The following FXR1 variants were observed in gnomAD, a reference collection of about 807,000 sequenced individuals.
FXR1 encodes the protein RNA-binding protein FXR1.
In FXR1, 15 loss-of-function variants were observed where a neutral mutation model predicts 84.0. That is an observed-to-expected ratio of 0.18 (90% CI 0.12 to 0.27). FXR1 has a LOEUF of 0.27. Among genes scored for constraint, FXR1 ranks in the 10% least tolerant of loss-of-function variants. The pLI, the probability that FXR1 is intolerant of heterozygous loss-of-function variation, is 1.00. For missense variants in FXR1, 480 were observed against 774.4 expected (o/e 0.62, Z 4.51); for synonymous variants, 245 against 250.7 (o/e 0.98, Z 0.21).
chr3:180,965,806 G>A (rs995073879), intron 13 of FXR1, among the ~76,000 whole-genome samples: 1 of 152,004 alleles, frequency 6.6e-6, no homozygotes, highest in Non-Finnish European at 1.5e-5. Flanking sequence ...AAATTTTGGG[G>A]GGTACGGCCT....
At chr3:180,948,119 G>A in intron 4 of FXR1, 183 bp downstream of exon 4, 4 of 601,876 alleles carry the variant, frequency 6.6e-6, no homozygotes, top group South Asian at 6.5e-5. Flanking sequence ...CACCAAAGCT[G>A]CTCTCCAGAG....
Position 180,931,026 on chromosome 3 carries a change from C to CAAAAAAAAAAAAAAAAAA in FXR1, c.52-2304_52-2287dup, listed in dbSNP as rs57731098. Among the ~76,000 whole-genome samples, 59 of 55,612 alleles carry CAAAAAAAAAAAAAAAAAA rather than the reference C, an allele frequency of 1.1e-3. 2 individuals carry two copies. The highest frequency in any genetic ancestry group is 2.8e-3 in the African/African-American group (46 of 16,722). 36.5% of individuals were successfully genotyped at this position (55,612 alleles called of 152,430 possible). The stretch of plus-strand genomic sequence containing the variant: ...CCTGGGCAACAGAGCGAGACTGCCT[C>CAAAAAAAAAAAAAAAAAA]AAAAAAAAAAAAAAAAAAAAAGACG... On this transcript the variant is annotated intron_variant, in intron 1 of 16. Transcript: ENST00000357559.
chr3:180,914,726 A>G (rs1717674499), intron 1 of FXR1: 1 of 829,048 alleles, frequency 1.2e-6, no homozygotes, highest in Non-Finnish European at 1.5e-6. Context: ...ACATATCTAC[A>G]ATCTACTGCT....
At chr3:180,918,780 G>GT (rs1052264141) in intron 1 of FXR1, among the ~76,000 whole-genome samples, 56 of 152,294 alleles carry the variant, frequency 3.7e-4, no homozygotes, top group African/African-American at 1.3e-3. Context: ...TCTAGCAACT[G>GT]TAACTAATTT....
At chr3:180,941,564 C>T (rs942653814) in intron 3 of FXR1, among the ~76,000 whole-genome samples, 1 of 152,046 alleles carries the variant, frequency 6.6e-6, no homozygotes, top group African/African-American at 2.4e-5. Flanking sequence ...TTCTTTTGGC[C>T]AGTCTGAAGT....
intron 13 of FXR1, among the ~76,000 whole-genome samples, chr3:180,964,673 T>TTATATATATATATATATA (rs10600370): frequency 2.3e-3 from 311 of 136,298 alleles, no homozygotes; most frequent in African/African-American, 6.8e-3. Context: ...TGTAGTTGAT[T>TTATATATATATATATATA]TATATATATA....
chr3:180,960,284 G>A (rs1182267713), intron 10 of FXR1, among the ~76,000 whole-genome samples: 1 of 152,140 alleles, frequency 6.6e-6, no homozygotes, highest in African/African-American at 2.4e-5. Flanking sequence ...TGCTCTGGAG[G>A]TGATATTTCT....
rs189930234 is a variant in FXR1 at position 180,915,666 on chromosome 3, C to A, written c.51+2930C>A. On this transcript the variant is annotated intron_variant, in intron 1 of 16. Transcript: ENST00000357559. ...ATTTCCCTTTTTTCCCCTCCTCTTA[C>A]CCCGTATAGGCAGAAGACACACATT... is the stretch of plus-strand genomic sequence containing the variant. The A allele has an allele frequency of 8.2e-4, 574 of 704,028 alleles. 3 individuals carry two copies. Among genetic ancestry groups the A allele is most frequent in the Middle Eastern group, 2.5e-3 (11 of 4,366 alleles). The allele number at this position is 704,028 out of a possible 1,614,324, so 43.6% of individuals were successfully genotyped here. A position where few individuals can be genotyped will look rare whatever the true frequency, so the allele number is the denominator to read the frequency against.
intron 3 of FXR1, among the ~76,000 whole-genome samples, chr3:180,936,036 C>T (rs994848603): frequency 2.0e-5 from 3 of 151,850 alleles, no homozygotes; most frequent in Non-Finnish European, 1.5e-5. Context: ...GAACTACAGG[C>T]GTGTGTCACC....
chr3:180,928,252 A>G (rs925603070), intron 1 of FXR1, among the ~76,000 whole-genome samples: 2 of 151,708 alleles, frequency 1.3e-5, no homozygotes, highest in African/African-American at 2.4e-5. Context: ...CTTTAGGCCT[A>G]CTTTTGGAAT....
chr3:180,925,391 T>A (rs1264728583), intron 1 of FXR1, among the ~76,000 whole-genome samples: 2 of 151,970 alleles, frequency 1.3e-5, no homozygotes, highest in South Asian at 2.1e-4. Flanking sequence ...TCCTCTGTTG[T>A]CTCCAGGATT....
chr3:180,920,113 T>C (rs549615325), intron 1 of FXR1, among the ~76,000 whole-genome samples: 1 of 152,320 alleles, frequency 6.6e-6, no homozygotes, highest in East Asian at 1.9e-4. Context: ...GGCAAAGGGA[T>C]GCGCTCCCGT....
intron 1 of FXR1, chr3:180,933,041 A>G (rs1330858285): frequency 9.4e-6 from 3 of 317,524 alleles, no homozygotes; most frequent in East Asian, 1.5e-4. Flanking sequence ...CTTAGTCACA[A>G]TACTAAATAA....
chr3:180,976,214 T>A lies in FXR1; in HGVS notation c.1788T>A (p.Arg596=). The change falls in exon 17 of 17, where the codon CGT becomes CGA. Residue 596 remains arginine, a synonymous_variant. Coordinates refer to ENST00000357559, the MANE Select transcript of FXR1 (RefSeq NM_005087.4). The stretch of plus-strand genomic sequence containing the variant: ...GCGATGACATTTCTAAGCTACAGCG[T>A]ACTCCAGGAGAAGAAAAGATTAATA... ...ASGDDISKLQ[R]TPGEEKINTL... is the part of the protein sequence containing the mutation. 1.2e-6 allele frequency: 2 copies of A among 1,612,082 alleles called. No homozygotes were observed. Among genetic ancestry groups the A allele is most frequent in the Non-Finnish European group, 1.7e-6 (2 of 1,178,200 alleles).
chr3:180,918,986 A>C (rs1233753532), intron 1 of FXR1, among the ~76,000 whole-genome samples: 1 of 152,266 alleles, frequency 6.6e-6, no homozygotes, highest in African/African-American at 2.4e-5. Context: ...CAATTTCTTT[A>C]ACCATTATGG....
At chr3:180,933,438 A>C (rs1164748244) in intron 2 of FXR1, 52 bp downstream of exon 2, 2 of 1,058,922 alleles carry the variant, frequency 1.9e-6, no homozygotes, top group South Asian at 2.6e-5. Flanking sequence ...GCAGTGCCAA[A>C]CTTTTTGCTT....
intron 11 of FXR1, 87 bp downstream of exon 11, chr3:180,961,641 C>T: frequency 3.1e-6 from 2 of 652,612 alleles, no homozygotes; most frequent in Non-Finnish European, 5.5e-6. Flanking sequence ...TTAAAATGTC[C>T]TCACATTAAA....
chr3:180,926,826 A>G (rs1267967717), intron 1 of FXR1, among the ~76,000 whole-genome samples: 1 of 151,742 alleles, frequency 6.6e-6, no homozygotes, highest in Non-Finnish European at 1.5e-5. Flanking sequence ...AGTGGGTCTT[A>G]AAAAAAATCT....
intron 1 of FXR1, chr3:180,914,983 A>T (rs1560152799): frequency 9.4e-6 from 9 of 959,094 alleles, no homozygotes; most frequent in Non-Finnish European, 1.1e-5. Context: ...AAGTAAACAG[A>T]TGAGAATTCT....
Sources: gnomAD v4.1 joint callset for allele counts (sites outside exome capture counted in the v4.1 genomes callset) on GRCh38, gnomAD v4.1.1 for gene constraint, MANE v1.5 for transcripts, NCBI Gene and HGNC (gene_info 2026-07-23, HGNC 2026-07-21) for gene names.